The following FRMD6 variants were observed in gnomAD, a reference collection of about 807,000 sequenced individuals.
FRMD6 encodes FERM domain-containing protein 6.
FRMD6 carries 37 observed loss-of-function variants against 73.2 expected under a neutral mutation model. The observed-to-expected ratio is 0.51, with a 90% CI of 0.39 to 0.66. The LOEUF is 0.66. FRMD6 is among the 30% of genes least tolerant of loss of function. The probability of loss-of-function intolerance (pLI) is 0.00; values close to 1 mark genes in which losing one functional copy is unlikely to be tolerated. For missense variants in FRMD6, 714 were observed against 780.5 expected, an observed-to-expected ratio of 0.91 and a Z score of 1.02; for synonymous variants, 273 against 282.2, an observed-to-expected ratio of 0.97 and a Z score of 0.33.
chr14:51,549,796 C>T (rs867268469), intron 1 of FRMD6, among the ~76,000 whole-genome samples: 2 of 151,842 alleles, frequency 1.3e-5, no homozygotes, highest in East Asian at 1.9e-4. Flanking sequence ...GGGGTTTCAC[C>T]GTGTTAGCCA....
rs7150275 is a variant in FRMD6 at position 51,728,572 on chromosome 14, G to A, written c.*543G>A. 43,478 of 155,930 alleles carry A rather than the reference G, an allele frequency of 0.28. 6,455 individuals carry two copies. Among genetic ancestry groups the A allele is most frequent in the African/African-American group, 0.37 (15,267 of 41,434 alleles). 9.7% of individuals were successfully genotyped at this position (155,930 alleles called of 1,614,324 possible). ...CTGATGGAGTGGTCAAAATCATAAGGTTGTAGCAAGCCAAAGATACGTATG... is the reference window on the plus strand; with the variant it reads ...CTGATGGAGTGGTCAAAATCATAAGATTGTAGCAAGCCAAAGATACGTATG... On this transcript the variant is annotated 3_prime_UTR_variant, in exon 14 of 14. Transcript: ENST00000344768.
intron 1 of FRMD6, among the ~76,000 whole-genome samples, chr14:51,556,767 T>G (rs1022378427): frequency 6.6e-6 from 1 of 152,152 alleles, no homozygotes; most frequent in African/African-American, 2.4e-5. Context: ...AAGAGTGAGC[T>G]CACCACCTAG....
At chr14:51,647,373 TAATC>T (rs1892124572), upstream of FRMD6, among the ~76,000 whole-genome samples, 1 of 152,352 alleles carries the variant, frequency 6.6e-6, no homozygotes, top group South Asian at 2.1e-4. Context: ...AAATGAATGA[TAATC>T]AATTTTCCTG....
chr14:51,601,013 G>A (rs1890007157), intron 2 of FRMD6, among the ~76,000 whole-genome samples: 4 of 152,210 alleles, frequency 2.6e-5, no homozygotes, highest in Admixed American at 1.3e-4. Context: ...GCAATTTTTA[G>A]AACATAGAGG....
chr14:51,514,373 C>G (rs1405402402), intron 1 of FRMD6, among the ~76,000 whole-genome samples: 3 of 152,090 alleles, frequency 2.0e-5, no homozygotes, highest in African/African-American at 7.2e-5. Flanking sequence ...GGAGGGAGAG[C>G]ATTAGGACAA....
chr14:51,707,963 C>A, intron 6 of FRMD6, 115 bp from the exon 7 acceptor site: 1 of 908,634 alleles, frequency 1.1e-6, no homozygotes, highest in South Asian at 1.7e-5. Context: ...CAATGCAAAC[C>A]AACCAGTTTA....
chr14:51,699,647 C>G (rs1896169346), intron 3 of FRMD6, among the ~76,000 whole-genome samples: 2 of 152,066 alleles, frequency 1.3e-5, no homozygotes, highest in African/African-American at 4.8e-5. Flanking sequence ...GAAATTACTA[C>G]TCCACCAGCT....
chr14:51,439,525 G>A, the FRMD6 span, among the ~76,000 whole-genome samples: 1 of 152,094 alleles, frequency 6.6e-6, no homozygotes, highest in Non-Finnish European at 1.5e-5. Context: ...GGTTGGCTTT[G>A]GGTTTTTAGT....
At chr14:51,585,629 A>G (rs891333402) in intron 2 of FRMD6, among the ~76,000 whole-genome samples, 1 of 151,992 alleles carries the variant, frequency 6.6e-6, no homozygotes, top group African/African-American at 2.4e-5. Context: ...ATAAGATAGG[A>G]ATACCTATCT....
At chr14:51,486,164 A>T (rs1396458980), upstream of FRMD6, among the ~76,000 whole-genome samples, 1 of 151,826 alleles carries the variant, frequency 6.6e-6, no homozygotes, top group East Asian at 1.9e-4. Flanking sequence ...CCTCCCGAGT[A>T]GCTGGGACTA....
chr14:51,598,402 C>T (rs1950929), intron 2 of FRMD6, among the ~76,000 whole-genome samples: 68,895 of 152,038 alleles, frequency 0.45, 15,755 homozygotes, highest in Middle Eastern at 0.5. Context: ...TTTCTTCTTT[C>T]TAAAATAATT....
chr14:51,711,082 A>T (rs1226344111), intron 7 of FRMD6, among the ~76,000 whole-genome samples: 1 of 152,324 alleles, frequency 6.6e-6, no homozygotes, highest in Admixed American at 6.5e-5. Context: ...AGTTTTAAAC[A>T]TATAAAGTCT....
the FRMD6 span, among the ~76,000 whole-genome samples, chr14:51,396,667 A>G: frequency 9.2e-5 from 14 of 152,340 alleles, no homozygotes; most frequent in East Asian, 7.7e-4. Flanking sequence ...ATTCCTGCTC[A>G]TCGGAACAAC....
rs1898089298 is a variant in FRMD6 at position 51,728,158 on chromosome 14, G to A, written c.*129G>A. ...ACATAGCTCTTTCTTTATAATATTTGTGATGATGGAAACAAAAGCCTTGGA... is the reference window on the plus strand; with the variant it reads ...ACATAGCTCTTTCTTTATAATATTTATGATGATGGAAACAAAAGCCTTGGA... On this transcript the variant is annotated 3_prime_UTR_variant, in exon 14 of 14. Transcript: ENST00000344768. The A allele has an allele frequency of 5.9e-6, 5 of 842,080 alleles. No homozygotes were observed. The Admixed American group carries it at 1.2e-4, about 20-fold the overall frequency. 52.2% of individuals were successfully genotyped at this position (842,080 alleles called of 1,614,324 possible).
At chr14:51,428,775 C>T in the FRMD6 span, among the ~76,000 whole-genome samples, 2 of 152,102 alleles carry the variant, frequency 1.3e-5, no homozygotes, top group Non-Finnish European at 2.9e-5. Flanking sequence ...GGCTGCCTGA[C>T]TGCTTTTGCC....
chr14:51,565,727 ACAG>A (rs1380452229), intron 1 of FRMD6, among the ~76,000 whole-genome samples: 2 of 143,714 alleles, frequency 1.4e-5, no homozygotes, highest in Non-Finnish European at 3.1e-5. Flanking sequence ...GCCTCAGGGA[ACAG>A]CAGCAGTTCT....
rs533552539 is a variant in FRMD6, at chr14:51,622,345, C to T, written c.-147+51935C>T. ...CCTAATTTTGCATATATAATTTGCA[C>T]GAACAGGGTGCAAATCAGGCTATTT... On this transcript the variant is annotated intron_variant, in intron 2 of 14. Coordinates refer to the FRMD6 transcript ENST00000356218. Among the ~76,000 whole-genome samples, 15 of 152,182 alleles carry T rather than the reference C, an allele frequency of 9.9e-5. 1 individual carries two copies. In the South Asian group the frequency reaches 1.9e-3, roughly 19 times the overall value.
chr14:51,655,603 C>T (rs1450739083), intron 1 of FRMD6, among the ~76,000 whole-genome samples: 2 of 151,506 alleles, frequency 1.3e-5, no homozygotes, highest in South Asian at 2.1e-4. Flanking sequence ...TTGAGAGGAA[C>T]GAGGAAGTGG....
chr14:51,682,580 G>C (rs1693966306), intron 1 of FRMD6, among the ~76,000 whole-genome samples: 1 of 152,072 alleles, frequency 6.6e-6, no homozygotes, highest in African/African-American at 2.4e-5. Context: ...ATGGTTTCTG[G>C]CTTCAGATAG....
Sources: allele counts gnomAD v4.1 joint callset (sites outside exome capture counted in the v4.1 genomes callset), GRCh38; gene constraint gnomAD v4.1.1; transcripts MANE v1.5; gene names NCBI Gene and HGNC (gene_info 2026-07-23, HGNC 2026-07-21).